Variants in CDK14 observed in about 807,000 individuals in gnomAD.
CDK14 encodes cyclin dependent kinase 14, also known as cyclin-dependent kinase 14.
A neutral mutation model predicts 60.7 loss-of-function variants in CDK14; 34 were observed. The observed-to-expected ratio is 0.56, with a 90% CI of 0.43 to 0.75. The LOEUF (loss-of-function observed/expected upper bound fraction) is 0.75. CDK14 is among the 30% of genes least tolerant of loss of function. The pLI is 0.00. For missense variants in CDK14, 482 were observed against 564.1 expected (o/e 0.85, Z 1.47); for synonymous variants, 197 against 203.7 (o/e 0.97, Z 0.28).
At chr7:91,077,072 G>T (rs1798339325) in intron 11 of CDK14, among the ~76,000 whole-genome samples, 1 of 152,206 alleles carries the variant, frequency 6.6e-6, no homozygotes, top group South Asian at 2.1e-4. Flanking sequence ...TTCAATCATG[G>T]TGGAAGACAG....
chr7:91,122,632 A>G (rs1337597499), intron 14 of CDK14, among the ~76,000 whole-genome samples: 1 of 152,102 alleles, frequency 6.6e-6, no homozygotes, highest in Non-Finnish European at 1.5e-5. Context: ...TGCATCAACT[A>G]ACACAGCTTT....
chr7:91,048,908 G>A (rs1035535208), intron 11 of CDK14, among the ~76,000 whole-genome samples: 1 of 151,608 alleles, frequency 6.6e-6, no homozygotes, highest in African/African-American at 2.4e-5. Flanking sequence ...TATTTTTAGC[G>A]ATGCTGCCCA....
intron 14 of CDK14, among the ~76,000 whole-genome samples, chr7:91,187,296 A>T (rs1413819333): frequency 6.6e-6 from 1 of 152,210 alleles, no homozygotes. Context: ...CTTTAAACCA[A>T]AATTTTAGTG....
intron 14 of CDK14, among the ~76,000 whole-genome samples, chr7:91,189,424 C>T (rs943612605): frequency 2.6e-5 from 4 of 152,116 alleles, no homozygotes; most frequent in African/African-American, 9.7e-5. Flanking sequence ...TCTCACCCTG[C>T]AGAAAATCTT....
intron 4 of CDK14, among the ~76,000 whole-genome samples, chr7:90,757,295 G>A (rs951521477): frequency 9.3e-5 from 14 of 149,948 alleles, no homozygotes; most frequent in African/African-American, 3.4e-4. Flanking sequence ...GTCAGGACAT[G>A]AGTTATATTT....
chr7:91,140,924 A>G (rs981711320), intron 14 of CDK14, among the ~76,000 whole-genome samples: 6 of 152,172 alleles, frequency 3.9e-5, no homozygotes, highest in African/African-American at 1.4e-4. Context: ...AAAATGAAAA[A>G]AAAAATCTAG....
chr7:90,783,877 CA>C (rs2116941526), intron 4 of CDK14, among the ~76,000 whole-genome samples: 1 of 152,094 alleles, frequency 6.6e-6, no homozygotes, highest in South Asian at 2.1e-4. Flanking sequence ...GGAGGAGCGT[CA>C]AAAAACTAGA....
At chr7:91,053,607 A>T (rs1262601354) in intron 11 of CDK14, among the ~76,000 whole-genome samples, 1 of 152,190 alleles carries the variant, frequency 6.6e-6, no homozygotes, top group Non-Finnish European at 1.5e-5. Flanking sequence ...TCCTCTGCAG[A>T]TGTTTAGTCT....
At chr7:90,638,885 C>A (rs1436453427) in intron 2 of CDK14, among the ~76,000 whole-genome samples, 2 of 151,490 alleles carry the variant, frequency 1.3e-5, no homozygotes, top group Non-Finnish European at 3.0e-5. Flanking sequence ...TTCATTTCAT[C>A]TTCCATCACT....
At chr7:91,021,429 C>G (rs572758182) in intron 10 of CDK14, among the ~76,000 whole-genome samples, 1 of 152,236 alleles carries the variant, frequency 6.6e-6, no homozygotes, top group East Asian at 1.9e-4. Context: ...ATAGAAATTT[C>G]TATATATGAT....
chr7:90,717,565 C>A (rs1316288185), intron 2 of CDK14, among the ~76,000 whole-genome samples: 1 of 152,012 alleles, frequency 6.6e-6, no homozygotes, highest in Admixed American at 6.6e-5. Flanking sequence ...GCCAAAGAAA[C>A]CATGTAGTAG....
chr7:91,073,569 A>G (rs372210375), intron 11 of CDK14, among the ~76,000 whole-genome samples: 1 of 152,116 alleles, frequency 6.6e-6, no homozygotes. Flanking sequence ...ATAAAGACCA[A>G]TGATGTTGTG....
intron 7 of CDK14, among the ~76,000 whole-genome samples, chr7:90,911,993 C>T (rs1228907497): frequency 1.3e-5 from 2 of 152,110 alleles, no homozygotes; most frequent in Non-Finnish European, 2.9e-5. Context: ...CTGCTGCTGG[C>T]AAAAATGTCC....
intron 10 of CDK14, among the ~76,000 whole-genome samples, chr7:90,991,120 A>G (rs1217068861): frequency 6.6e-6 from 1 of 152,202 alleles, no homozygotes; most frequent in African/African-American, 2.4e-5. Flanking sequence ...TTAAGTGATC[A>G]ACGATGTCAT....
intron 3 of CDK14, among the ~76,000 whole-genome samples, chr7:90,732,276 A>T (rs1314118362): frequency 1.3e-5 from 2 of 152,120 alleles, no homozygotes; most frequent in Non-Finnish European, 2.9e-5. Context: ...ATCCATGTTC[A>T]TCAGGGATAT....
At chr7:90,897,132 G>C (rs532748654) in intron 6 of CDK14, among the ~76,000 whole-genome samples, 80 of 152,112 alleles carry the variant, frequency 5.3e-4, no homozygotes, top group African/African-American at 1.9e-3. Context: ...CCTATTGTTA[G>C]GTGTGCAAAT....
In CDK14 at chr7:90,609,252, T is replaced by G. The variant is rs990113229; in HGVS notation, c.123+5003T>G. Among the ~76,000 whole-genome samples the G allele has an allele frequency of 2.0e-5, 3 of 152,164 alleles. No homozygotes were observed. The East Asian group carries it at 5.8e-4, about 29-fold the overall frequency. ...ATTGTTCATGCTGGTCTCGAACTCC[T>G]GGTCTCAGGTGATCCTCCCATCTCA... On this transcript the variant is annotated intron_variant, in intron 2 of 14. Coordinates refer to ENST00000380050, the MANE Select transcript of CDK14 (RefSeq NM_001287135.2).
At chr7:91,099,638 A>G (rs932280298) in intron 12 of CDK14, among the ~76,000 whole-genome samples, 6 of 152,158 alleles carry the variant, frequency 3.9e-5, no homozygotes, top group East Asian at 3.8e-4. Flanking sequence ...GAAAAGGTCA[A>G]TCTTCACAGC....
intron 11 of CDK14, among the ~76,000 whole-genome samples, chr7:91,076,141 C>T (rs1308997204): frequency 1.4e-5 from 2 of 139,862 alleles, no homozygotes; most frequent in Non-Finnish European, 3.0e-5. Flanking sequence ...TATATAAAAC[C>T]AAAAAAGAGC....
Sources: gnomAD v4.1 joint callset for allele counts (sites outside exome capture counted in the v4.1 genomes callset) on GRCh38, gnomAD v4.1.1 for gene constraint, MANE v1.5 for transcripts, NCBI Gene and HGNC (gene_info 2026-07-23, HGNC 2026-07-21) for gene names.